RIPK1: variants seen among roughly 807,000 people sequenced by gnomAD.
RIPK1 encodes receptor interacting serine/threonine kinase 1.
Under a neutral mutation model 62.4 loss-of-function variants are expected in RIPK1, and 27 were observed. The observed-to-expected ratio is 0.43, with a 90% CI of 0.32 to 0.60. The LOEUF (loss-of-function observed/expected upper bound fraction) is 0.60. Among genes scored for constraint, RIPK1 ranks in the 20% least tolerant of loss-of-function variants. RIPK1 has a pLI of 0.07. For synonymous variants in RIPK1, 287 were observed against 303.2 expected (o/e 0.95, Z 0.55); for missense variants, 735 against 831.0 (o/e 0.88, Z 1.42).
Position 3,075,361 on chromosome 6 carries a change from A to G in RIPK1, c.-60-1403A>G, listed in dbSNP as rs143980183. 5.3e-5 allele frequency among the ~76,000 whole-genome samples: 8 copies of G among 152,262 alleles called. No individual in the cohort carries two copies. The East Asian group carries it at 1.5e-3, about 29-fold the overall frequency. On this transcript the variant is annotated intron_variant, in intron 1 of 10. Transcript: ENST00000259808. ...AAAAGAAGGGAGGAAGGATGAAGCA[A>G]ATAGCTGTGCTTTGAGATCTGACAC...
rs1172792533 is a variant in RIPK1, at chr6:3,072,707, G to A, written c.-61+4046G>A. 6.6e-6 allele frequency among the ~76,000 whole-genome samples: 1 copy of A among 152,104 alleles called. No homozygotes were observed. Among genetic ancestry groups the A allele is most frequent in the Non-Finnish European group, 1.5e-5 (1 of 68,022 alleles). On this transcript the variant is annotated intron_variant, in intron 1 of 10. Coordinates refer to ENST00000259808, the MANE Select transcript of RIPK1 (RefSeq NM_001354930.2). This position sits in a 1 kb window ranked among gnomAD's most constrained non-coding sequence, Gnocchi z 5.6. ...TGTCTTACCTATGGAAGTGTCTAAT[G>A]GGAAGACTTAGGATGGCTTCCTTGA...
chr6:3,110,453 C>A (rs1761098524), intron 9 of RIPK1, among the ~76,000 whole-genome samples: 1 of 152,100 alleles, frequency 6.6e-6, no homozygotes, highest in Non-Finnish European at 1.5e-5. Flanking sequence ...AGGTGATCAC[C>A]TGCATCAGCC....
At chr6:3,084,200 A>G (rs572388638) in intron 5 of RIPK1, among the ~76,000 whole-genome samples, 1 of 152,246 alleles carries the variant, frequency 6.6e-6, no homozygotes, top group South Asian at 2.1e-4. Flanking sequence ...ACCGTCCACC[A>G]TTCATGTGGC....
intron 9 of RIPK1, among the ~76,000 whole-genome samples, chr6:3,109,961 T>TTCC (rs1445467821): frequency 1.3e-5 from 2 of 152,208 alleles, no homozygotes; most frequent in Admixed American, 6.5e-5. Context: ...TGTGATGTGA[T>TTCC]TCCCTTCCTT....
chr6:3,093,986 G>GTAACTGCAGAT (rs1760119068), intron 7 of RIPK1, among the ~76,000 whole-genome samples: 7 of 130,450 alleles, frequency 5.4e-5, no homozygotes, highest in Non-Finnish European at 7.9e-5. Context: ...TAACTGCAGA[G>GTAACTGCAGAT]CGCCTACCTG....
intron 1 of RIPK1, 65 bp from the exon 2 acceptor site, chr6:3,076,699 C>CAT (rs10526418): frequency 0.014 from 3,029 of 217,528 alleles, 118 homozygotes; most frequent in African/African-American, 0.043. Flanking sequence ...AAAAAAAAAA[C>CAT]ATATATATAT....
chr6:3,094,648 G>C (rs1311565763), intron 7 of RIPK1, among the ~76,000 whole-genome samples: 2 of 151,096 alleles, frequency 1.3e-5, no homozygotes, highest in African/African-American at 4.9e-5. Flanking sequence ...GAAGAAGATA[G>C]CAAATAAACC....
rs370564571 is a variant in RIPK1, at chr6:3,094,580, C to CATATATATATATAT, written c.915+4930_915+4943dup. 2.6e-4 allele frequency among the ~76,000 whole-genome samples: 36 copies of CATATATATATATAT among 139,310 alleles called. 1 individual carries two copies. Among genetic ancestry groups the CATATATATATATAT allele is most frequent in the South Asian group, 2.2e-3 (10 of 4,536 alleles). 91.4% of individuals were successfully genotyped at this position (139,310 alleles called of 152,430 possible). ...TATAACCTTAAATAAATAAATATTT[C>CATATATATATATAT]ATATATATATATATATATATGAAGA... On this transcript the variant is annotated intron_variant, in intron 7 of 10. Transcript: ENST00000259808.
Position 3,072,513 on chromosome 6 carries a change from A to G in RIPK1, c.-61+3852A>G, listed in dbSNP as rs1177916037. On this transcript the variant is annotated intron_variant, in intron 1 of 10. Coordinates refer to ENST00000259808, the MANE Select transcript of RIPK1 (RefSeq NM_001354930.2). This position sits in a 1 kb window ranked among gnomAD's most constrained non-coding sequence, Gnocchi z 5.6. ...AGTGTGCCGTAATTCATTTAACAAT[A>G]TTTTTATTTTTATTTTTTTGGACAA... 6.6e-6 allele frequency among the ~76,000 whole-genome samples: 1 copy of G among 152,116 alleles called. No homozygotes were observed. Among genetic ancestry groups the G allele is most frequent in the Non-Finnish European group, 1.5e-5 (1 of 68,034 alleles).
At chr6:3,103,675 G>T (rs891537088) in intron 7 of RIPK1, among the ~76,000 whole-genome samples, 1 of 152,078 alleles carries the variant, frequency 6.6e-6, no homozygotes, top group African/African-American at 2.4e-5. Context: ...TTTTGTTTGT[G>T]CTTTTGTGTC....
At chr6:3,102,691 C>T (rs1048299064) in intron 7 of RIPK1, among the ~76,000 whole-genome samples, 18 of 152,192 alleles carry the variant, frequency 1.2e-4, no homozygotes, top group Non-Finnish European at 1.9e-4. Flanking sequence ...ACCTCCGCCT[C>T]CCGGGTTCAA....
chr6:3,069,359 A>T (rs1329301341), intron 1 of RIPK1, among the ~76,000 whole-genome samples: 1 of 151,894 alleles, frequency 6.6e-6, no homozygotes, highest in Non-Finnish European at 1.5e-5. Context: ...TGTCACTGGC[A>T]GGTGCTTTTG....
intron 4 of RIPK1, among the ~76,000 whole-genome samples, chr6:3,082,403 AC>A (rs1759441286): frequency 6.6e-6 from 1 of 152,190 alleles, no homozygotes; most frequent in African/African-American, 2.4e-5. Context: ...CAGAAGTGGA[AC>A]TGGCACCTAT....
At chr6:3,078,435 G>A (rs765917803) in intron 3 of RIPK1, among the ~76,000 whole-genome samples, 5 of 152,132 alleles carry the variant, frequency 3.3e-5, no homozygotes, top group South Asian at 2.1e-4. Context: ...TCATCCTCTC[G>A]ATCCTGTGGA....
chr6:3,098,650 A>ATC (rs1561768794), intron 7 of RIPK1, among the ~76,000 whole-genome samples: 1 of 152,386 alleles, frequency 6.6e-6, no homozygotes, highest in East Asian at 1.9e-4. Flanking sequence ...ATGTACAAAG[A>ATC]TAGCTAAGAA....
At chr6:3,111,318 C>T (rs1017119299) in intron 10 of RIPK1, among the ~76,000 whole-genome samples, 2 of 152,130 alleles carry the variant, frequency 1.3e-5, no homozygotes, top group Non-Finnish European at 1.5e-5. Context: ...AGGCCCTCAT[C>T]GAAGGAGATC....
At position 3,080,972 on chromosome 6, in the gene RIPK1, G is replaced by A. The variant is rs1759346999; in HGVS notation, c.322-7G>A. The stretch of plus-strand genomic sequence containing the variant: ...CCATTTCATAGACTTAATATCACTT[G>A]TTTTAGATGAGTACTCCGCTTTCTG... On this transcript the variant is annotated splice_polypyrimidine_tract_variant and splice_region_variant and intron_variant, in intron 3 of 10. Coordinates refer to ENST00000259808, the MANE Select transcript of RIPK1 (RefSeq NM_001354930.2). 5 of 1,612,816 alleles carry A rather than the reference G, an allele frequency of 3.1e-6. No homozygotes were observed. Among genetic ancestry groups the A allele is most frequent in the Non-Finnish European group, 4.2e-6 (5 of 1,179,266 alleles).
chr6:3,113,093 C>A lies in RIPK1; in HGVS notation c.1770C>A (p.Ile590=). The part of the protein sequence containing the change: ...TSLTDKHLDP[I]RENLGKHWKN... ...TGACGGATAAACACCTGGACCCAAT[C>A]AGGGAAAATCTGGGAAAGCACTGGA... The change falls in exon 11 of 11, where the codon ATC becomes ATA. Residue 590 remains isoleucine, a synonymous_variant. Coordinates refer to ENST00000259808, the MANE Select transcript of RIPK1 (RefSeq NM_001354930.2). The surrounding 1 kb of genome is among the most constrained non-coding windows in gnomAD (Gnocchi z 5.0). 1 of 1,595,698 alleles carries A rather than the reference C, an allele frequency of 6.3e-7. No homozygotes were observed. The highest frequency in any genetic ancestry group is 8.6e-7 in the Non-Finnish European group (1 of 1,168,760).
At chr6:3,064,273 G>A (rs1758282251), upstream of RIPK1, among the ~76,000 whole-genome samples, 1 of 152,164 alleles carries the variant, frequency 6.6e-6, no homozygotes, top group Admixed American at 6.5e-5. Context: ...CCCAGCCAGC[G>A]CGGACGCCGC....
Sources: gnomAD v4.1 joint callset for allele counts (sites outside exome capture counted in the v4.1 genomes callset) on GRCh38, gnomAD v4.1.1 for gene constraint, Gnocchi (gnomAD v3.1) non-coding constraint, MANE v1.5 for transcripts, NCBI Gene and HGNC (gene_info 2026-07-23, HGNC 2026-07-21) for gene names.